The following SH3BP2 variants were observed in gnomAD, a reference collection of about 807,000 sequenced individuals.
SH3BP2 encodes SH3 domain binding protein 2.
In SH3BP2, 38 loss-of-function variants were observed where a neutral mutation model predicts 56.2. The ratio of observed to expected loss-of-function variants is 0.68; its 90% CI spans 0.52 to 0.89. The LOEUF is 0.89. SH3BP2 is among the 40% of genes least tolerant of loss of function. The pLI is 0.00. For synonymous variants in SH3BP2, 346 were observed against 316.7 expected (o/e 1.09, Z -0.98); for missense variants, 748 against 762.6 (o/e 0.98, Z 0.23).
chr4:2,829,779 C>T lies in SH3BP2; in HGVS notation c.873C>T (p.Leu291=). 1.2e-6 allele frequency: 2 copies of T among 1,613,246 alleles called. No individual in the cohort carries two copies. Among genetic ancestry groups the T allele is most frequent in the Non-Finnish European group, 1.7e-6 (2 of 1,179,956 alleles). Residue 291 remains leucine (L), a synonymous_variant, in exon 8 of 13, where the codon CTC becomes CTT. Transcript: ENST00000503393. This position sits in a 1 kb window ranked among gnomAD's most constrained non-coding sequence, Gnocchi z 4.9. Reference sequence around the variant, plus strand: ...GCACCATGCCCACCGCACCCGGCCTCCGGAAACCCCCTTGCTTCCGGGAGA... The same window carrying T: ...GCACCATGCCCACCGCACCCGGCCTTCGGAAACCCCCTTGCTTCCGGGAGA... The part of the protein sequence containing the change: ...PLSTMPTAPG[L]RKPPCFRESA...
intron 2 of SH3BP2, among the ~76,000 whole-genome samples, chr4:2,821,254 A>G (rs1724289821): frequency 6.6e-6 from 1 of 152,244 alleles, no homozygotes; most frequent in South Asian, 2.1e-4. Flanking sequence ...CAAGAGCATC[A>G]GGGCCTGAGC....
chr4:2,796,076 GAC>G (rs1723052319), intron 1 of SH3BP2, among the ~76,000 whole-genome samples: 1 of 152,190 alleles, frequency 6.6e-6, no homozygotes, highest in Non-Finnish European at 1.5e-5. Flanking sequence ...AAGAGCAAGG[GAC>G]TGGCCCTCAG....
rs563155774 is a variant in SH3BP2, at chr4:2,799,920, G to T, written c.-5+6782G>T. On this transcript the variant is annotated intron_variant, in intron 1 of 12. Transcript: ENST00000503393. ...GAGAGGTGGGGCCCGAGGGCCTGGT[G>T]GGGCTTCCAGCAGGGGCTGGCTTAT... Among the ~76,000 whole-genome samples the T allele has an allele frequency of 5.9e-5, 9 of 152,336 alleles. No individual in the cohort carries two copies. The East Asian group carries it at 1.7e-3, about 29-fold the overall frequency.
chr4:2,824,187 G>A (rs900600840), intron 3 of SH3BP2, among the ~76,000 whole-genome samples: 4 of 152,180 alleles, frequency 2.6e-5, no homozygotes, highest in African/African-American at 4.8e-5. Context: ...TGAGTGGGCC[G>A]CAGAGCAGGC....
Position 2,834,141 on chromosome 4 carries a change from C to G in SH3BP2, c.*307C>G, listed in dbSNP as rs563920956. On this transcript the variant is annotated 3_prime_UTR_variant, in exon 13 of 13. Coordinates refer to ENST00000503393, the MANE Select transcript of SH3BP2 (RefSeq NM_001122681.2). ...TCCAAGGACAGGAACACTGGTCCCC[C>G]CATCACACTCACCCCTAAGTGGGCT... The G allele has an allele frequency of 5.5e-6, 2 of 365,514 alleles. No homozygotes were observed. Among genetic ancestry groups the G allele is most frequent in the East Asian group, 5.2e-5 (1 of 19,398 alleles). 22.6% of individuals were successfully genotyped at this position (365,514 alleles called of 1,614,324 possible).
At position 2,818,534 on chromosome 4, in the gene SH3BP2, G is replaced by A. The variant is rs28562583; in HGVS notation, c.-4-2080G>A. On this transcript the variant is annotated intron_variant, in intron 1 of 12. Coordinates refer to ENST00000503393, the MANE Select transcript of SH3BP2 (RefSeq NM_001122681.2). ...ACGCGCTTCTTGGGGGAACAAAGGC[G>A]GGCGTGGACCGTCCCGGCGGGCGGA... The A allele has an allele frequency of 0.09, 46,714 of 521,254 alleles. 2,444 individuals carry two copies. The highest frequency in any genetic ancestry group is 0.12 in the Middle Eastern group (149 of 1,282). The allele number at this position is 521,254 out of a possible 1,614,324, so 32.3% of individuals were successfully genotyped here.
chr4:2,830,364 GT>G (rs1287369334), intron 8 of SH3BP2, among the ~76,000 whole-genome samples: 4 of 150,470 alleles, frequency 2.7e-5, no homozygotes, highest in East Asian at 1.9e-4. Flanking sequence ...GAAATGCTTT[GT>G]TTTTTTTTCT....
In SH3BP2 at chr4:2,831,838, C is replaced by T; in HGVS notation, c.1351-85C>T. The T allele has an allele frequency of 2.0e-6, 3 of 1,498,550 alleles. No individual in the cohort carries two copies. The highest frequency in any genetic ancestry group is 2.8e-6 in the Non-Finnish European group (3 of 1,085,934). The allele number at this position is 1,498,550 out of a possible 1,614,324, so 92.8% of individuals were successfully genotyped here. Reference sequence around the variant, plus strand: ...ACAGCACCATGTAAAGCCCCGGATCCCGGCACCGGGTGGCCACCGTCCGGG... The same window carrying T: ...ACAGCACCATGTAAAGCCCCGGATCTCGGCACCGGGTGGCCACCGTCCGGG... On this transcript the variant is annotated intron_variant, in intron 9 of 12. Transcript: ENST00000503393. The surrounding 1 kb of genome is among the most constrained non-coding windows in gnomAD (Gnocchi z 4.1).
chr4:2,821,468 A>C (rs1448234713), intron 2 of SH3BP2, among the ~76,000 whole-genome samples: 9 of 152,164 alleles, frequency 5.9e-5, no homozygotes, highest in Non-Finnish European at 1.3e-4. Context: ...GGGGCAGTGG[A>C]GCTAGGGTGG....
rs936021218 is a variant in SH3BP2 at position 2,831,294 on chromosome 4, G to T, written c.1242-277G>T. ...ACGAGCATCCAGAGCACTTGTTGAC[G>T]GTGTGATGACACTGAGCTTGGGAAC... is the stretch of plus-strand genomic sequence containing the variant. On this transcript the variant is annotated intron_variant, in intron 8 of 12. Transcript: ENST00000503393. This position sits in a 1 kb window ranked among gnomAD's most constrained non-coding sequence, Gnocchi z 4.1. 6.6e-6 allele frequency among the ~76,000 whole-genome samples: 1 copy of T among 152,208 alleles called. No individual in the cohort carries two copies. Among genetic ancestry groups the T allele is most frequent in the Non-Finnish European group, 1.5e-5 (1 of 68,038 alleles).
intron 1 of SH3BP2, chr4:2,818,999 TC>T: frequency 1.5e-6 from 1 of 665,496 alleles, no homozygotes; most frequent in Non-Finnish European, 1.9e-6. Context: ...CAGTGGCCAA[TC>T]ATAGCTTACT....
intron 1 of SH3BP2, chr4:2,818,402 G>A: frequency 8.5e-7 from 1 of 1,170,496 alleles, no homozygotes; most frequent in Non-Finnish European, 1.1e-6. Context: ...TGAGTACCGA[G>A]CCCCGGCCCC....
Position 2,831,905 on chromosome 4 carries a change from A to T in SH3BP2, c.1351-18A>T, listed in dbSNP as rs751496224. On this transcript the variant is annotated intron_variant, in intron 9 of 12. Coordinates refer to ENST00000503393, the MANE Select transcript of SH3BP2 (RefSeq NM_001122681.2). The surrounding 1 kb of genome is among the most constrained non-coding windows in gnomAD (Gnocchi z 4.1). The stretch of plus-strand genomic sequence containing the variant: ...GGATCACTCCGACGTTGGCACTGAC[A>T]CCGTCAGCCTCTTGCAGGTGCCACT... 6.2e-7 allele frequency: 1 copy of T among 1,612,084 alleles called. No homozygotes were observed. The highest frequency in any genetic ancestry group is 1.1e-5 in the South Asian group (1 of 91,054).
rs1725149951 is a variant in SH3BP2 at position 2,834,119 on chromosome 4, A to T, written c.*285A>T. On this transcript the variant is annotated 3_prime_UTR_variant, in exon 13 of 13. Coordinates refer to ENST00000503393, the MANE Select transcript of SH3BP2 (RefSeq NM_001122681.2). ...CAGGACCAAGCTGTGCCTGGGCTCC[A>T]AGGACAGGAACACTGGTCCCCCCAT... 1 of 427,176 alleles carries T rather than the reference A, an allele frequency of 2.3e-6. No homozygotes were observed. The highest frequency in any genetic ancestry group is 4.3e-6 in the Non-Finnish European group (1 of 233,828). The allele number at this position is 427,176 out of a possible 1,614,324, so 26.5% of individuals were successfully genotyped here.
chr4:2,840,777 G>A lies in SH3BP2; in HGVS notation c.*6943G>A, dbSNP rs1725397448. The A allele has an allele frequency of 6.6e-6, 1 of 152,148 alleles. No individual in the cohort carries two copies. Among genetic ancestry groups the A allele is most frequent in the African/African-American group, 2.4e-5 (1 of 41,428 alleles). 9.4% of individuals were successfully genotyped at this position (152,148 alleles called of 1,614,324 possible). ...CTTGATAGTTTGGGAATTTATTATA[G>A]CTATCAATCAGTTTTGGGAAAATTG... is the stretch of plus-strand genomic sequence containing the variant. On this transcript the variant is annotated 3_prime_UTR_variant, in exon 13 of 13. Coordinates refer to ENST00000503393, the MANE Select transcript of SH3BP2 (RefSeq NM_001122681.2).
chr4:2,837,709 C>G lies in SH3BP2; in HGVS notation c.*3875C>G, dbSNP rs538608272. Reference sequence around the variant, plus strand: ...GGCCACAACCTCTGTTTCTGTGACCCAGCAGCATCAAGCCCCTCGCTGGGC... The same window carrying G: ...GGCCACAACCTCTGTTTCTGTGACCGAGCAGCATCAAGCCCCTCGCTGGGC... On this transcript the variant is annotated 3_prime_UTR_variant, in exon 13 of 13. Transcript: ENST00000503393. The G allele has an allele frequency of 6.5e-6, 1 of 152,728 alleles. No homozygotes were observed. Among genetic ancestry groups the G allele is most frequent in the East Asian group, 1.9e-4 (1 of 5,196 alleles). 9.5% of individuals were successfully genotyped at this position (152,728 alleles called of 1,614,324 possible).
At position 2,836,830 on chromosome 4, in the gene SH3BP2, T is replaced by C. The variant is rs1191657766; in HGVS notation, c.*2996T>C. 1 of 152,154 alleles carries C rather than the reference T, an allele frequency of 6.6e-6. No individual in the cohort carries two copies. Among genetic ancestry groups the C allele is most frequent in the African/African-American group, 2.4e-5 (1 of 41,420 alleles). The allele number at this position is 152,154 out of a possible 1,614,324, so 9.4% of individuals were successfully genotyped here. On this transcript the variant is annotated 3_prime_UTR_variant, in exon 13 of 13. Transcript: ENST00000503393. ...CAGTCCTGCTTCCTCATTTTATAGA[T>C]AGGGAAACTGAGGCTTTGGGAGGAC...
chr4:2,802,553 T>TGTATGTG (rs1723340968), intron 1 of SH3BP2, among the ~76,000 whole-genome samples: 1 of 142,080 alleles, frequency 7.0e-6, no homozygotes, highest in Admixed American at 7.2e-5. Context: ...TGTATATATA[T>TGTATGTG]GTGTATATAT....
chr4:2,803,208 T>G (rs1300080327), intron 1 of SH3BP2, among the ~76,000 whole-genome samples: 1 of 152,156 alleles, frequency 6.6e-6, no homozygotes, highest in African/African-American at 2.4e-5. Flanking sequence ...CTACACAGGG[T>G]GCCCATCGTG....
Sources: gnomAD v4.1 joint callset for allele counts (sites outside exome capture counted in the v4.1 genomes callset) on GRCh38, gnomAD v4.1.1 for gene constraint, Gnocchi (gnomAD v3.1) non-coding constraint, MANE v1.5 for transcripts, NCBI Gene and HGNC (gene_info 2026-07-23, HGNC 2026-07-21) for gene names.